EIF2AK1: variants seen among roughly 807,000 people sequenced by gnomAD.
EIF2AK1 encodes the protein eukaryotic translation initiation factor 2 alpha kinase 1.
In EIF2AK1, 54 loss-of-function variants were observed where a neutral mutation model predicts 77.9. That is an observed-to-expected ratio of 0.69 (90% CI 0.56 to 0.87). EIF2AK1 has a LOEUF of 0.87. EIF2AK1 is among the 40% of genes least tolerant of loss of function. EIF2AK1 has a pLI of 0.00. For missense variants in EIF2AK1, 810 were observed against 768.6 expected (o/e 1.05, Z -0.64); for synonymous variants, 314 against 290.5 (o/e 1.08, Z -0.82).
At chr7:6,045,502 T>C (rs909212199) in intron 6 of EIF2AK1, among the ~76,000 whole-genome samples, 1 of 151,940 alleles carries the variant, frequency 6.6e-6, no homozygotes, top group Non-Finnish European at 1.5e-5. Flanking sequence ...GGCACACTTA[T>C]CACCATTCTC....
In EIF2AK1 at chr7:6,058,060, T is replaced by C; in HGVS notation, c.118+906A>G. 3.1e-5 allele frequency: 14 copies of C among 444,956 alleles called. 1 individual carries two copies. The highest frequency in any genetic ancestry group is 2.2e-4 in the South Asian group (14 of 62,880). 27.6% of individuals were successfully genotyped at this position (444,956 alleles called of 1,614,324 possible). On this transcript the variant is annotated intron_variant, in intron 1 of 14. Coordinates refer to ENST00000199389, the MANE Select transcript of EIF2AK1 (RefSeq NM_014413.4). ...TTAGAGTCAATGTTTTAAGCATCTC[T>C]TACTCTATGCTAAGTAACTTAGCTA...
At position 6,026,970 on chromosome 7, in the gene EIF2AK1, AG is replaced by A. The variant is rs949702134; in HGVS notation, c.1531-10del. On this transcript the variant is annotated splice_polypyrimidine_tract_variant and intron_variant, in intron 13 of 14. Transcript: ENST00000199389. Reference sequence around the variant, plus strand: ...AAGCTGTACATATCTGACTGGAAAAAGAAAAAAAGGGGAACTCAGTAGTGAA... The same window carrying A: ...AAGCTGTACATATCTGACTGGAAAAAAAAAAAAGGGGAACTCAGTAGTGAA... The A allele has an allele frequency of 6.2e-7, 1 of 1,608,480 alleles. No homozygotes were observed. Among genetic ancestry groups the A allele is most frequent in the African/African-American group, 1.3e-5 (1 of 74,832 alleles).
At chr7:6,026,524 C>T (rs912725914) in intron 14 of EIF2AK1, 1 of 701,280 alleles carries the variant, frequency 1.4e-6, no homozygotes, top group Non-Finnish European at 2.7e-6. Context: ...GCCACAGCTG[C>T]TACCCCAAGG....
rs983036481 is a variant in EIF2AK1 at position 6,048,687 on chromosome 7, A to C, written c.449+120T>G. 3.5e-5 allele frequency: 29 copies of C among 831,560 alleles called. No individual in the cohort carries two copies. In the East Asian group the frequency reaches 6.8e-4, roughly 20 times the overall value. 51.5% of individuals were successfully genotyped at this position (831,560 alleles called of 1,614,324 possible). A position where few individuals can be genotyped will look rare whatever the true frequency, so the allele number is the denominator to read the frequency against. ...AGAGCAGTACTTAATTGCTGAGAAC[A>C]AAGTTTTTAATGTTCATAAATAATA... is the stretch of plus-strand genomic sequence containing the variant. On this transcript the variant is annotated intron_variant, in intron 4 of 14. Coordinates refer to ENST00000199389, the MANE Select transcript of EIF2AK1 (RefSeq NM_014413.4).
intron 4 of EIF2AK1, among the ~76,000 whole-genome samples, chr7:6,048,371 T>G (rs547889353): frequency 6.6e-6 from 1 of 152,196 alleles, no homozygotes; most frequent in African/African-American, 2.4e-5. Flanking sequence ...ACTTAGGATG[T>G]TTTCAAGATT....
chr7:6,036,780 T>C lies in EIF2AK1; in HGVS notation c.1332+644A>G, dbSNP rs933273172. On this transcript the variant is annotated intron_variant, in intron 11 of 14. Transcript: ENST00000199389. The surrounding 1 kb of genome is among the most constrained non-coding windows in gnomAD (Gnocchi z 4.6). ...ACTTTAAGATGAATAATTATAGAAA[T>C]AGAGTTTACCTCTAAGTCTGCAATA... Among the ~76,000 whole-genome samples the C allele has an allele frequency of 6.6e-5, 10 of 152,098 alleles. No homozygotes were observed. Among genetic ancestry groups the C allele is most frequent in the Non-Finnish European group, 1.3e-4 (9 of 68,008 alleles).
At chr7:6,039,072 C>T (rs1788193281) in intron 9 of EIF2AK1, among the ~76,000 whole-genome samples, 1 of 152,092 alleles carries the variant, frequency 6.6e-6, no homozygotes, top group African/African-American at 2.4e-5. Flanking sequence ...GTATGATATT[C>T]TACTACTCTA....
At chr7:6,055,170 C>A (rs1056691365) in intron 1 of EIF2AK1, among the ~76,000 whole-genome samples, 3 of 151,676 alleles carry the variant, frequency 2.0e-5, no homozygotes, top group Non-Finnish European at 4.4e-5. Context: ...TGGAGCAACA[C>A]CATCTCTACT....
intron 7 of EIF2AK1, 99 bp from the exon 8 acceptor site, chr7:6,043,092 A>G (rs1788343240): frequency 1.7e-6 from 2 of 1,196,070 alleles, no homozygotes; most frequent in East Asian, 2.4e-5. Flanking sequence ...AAATGAGACT[A>G]CAAGTCTAAA....
At chr7:6,031,943 G>C (rs1326625466) in intron 11 of EIF2AK1, among the ~76,000 whole-genome samples, 2 of 152,210 alleles carry the variant, frequency 1.3e-5, no homozygotes, top group Non-Finnish European at 2.9e-5. Context: ...GAAGGCTGAG[G>C]TGGGTGGATC....
chr7:6,026,404 C>G, intron 14 of EIF2AK1: 1 of 511,662 alleles, frequency 2.0e-6, no homozygotes. Context: ...GGGAAGGAGT[C>G]TCACCCACCA....
chr7:6,058,819 C>T (rs2128452931), intron 1 of EIF2AK1, 147 bp downstream of exon 1: 2 of 603,824 alleles, frequency 3.3e-6, no homozygotes, highest in African/African-American at 2.0e-5. Context: ...CGCCCCCCCT[C>T]GCACTGCGCG....
At chr7:6,057,935 T>G (rs992465386) in intron 1 of EIF2AK1, among the ~76,000 whole-genome samples, 3 of 152,140 alleles carry the variant, frequency 2.0e-5, no homozygotes, top group African/African-American at 7.2e-5. Context: ...AATGTATTCA[T>G]TCTTAATAGC....
chr7:6,050,060 T>C lies in EIF2AK1; in HGVS notation c.278-15A>G, dbSNP rs368299171. ...CTGGCAAAGTACTATAAAAAGAATA[T>C]GAAAAACTATTATTAGAAACATCTT... On this transcript the variant is annotated splice_polypyrimidine_tract_variant and intron_variant, in intron 2 of 14. Transcript: ENST00000199389. 1.9e-6 allele frequency: 3 copies of C among 1,586,674 alleles called. No individual in the cohort carries two copies. Among genetic ancestry groups the C allele is most frequent in the East Asian group, 4.5e-5 (2 of 44,476 alleles).
Position 6,035,888 on chromosome 7 carries a change from C to T in EIF2AK1, c.1332+1536G>A. On this transcript the variant is annotated intron_variant, in intron 11 of 14. Transcript: ENST00000199389. The surrounding 1 kb of genome is among the most constrained non-coding windows in gnomAD (Gnocchi z 5.5). The stretch of plus-strand genomic sequence containing the variant: ...CTGCATCAAGCAAAGCAGGCCGACT[C>T]CTCGGGGCGGGGGTCAGCTGCATCC... 4 of 1,546,810 alleles carry T rather than the reference C, an allele frequency of 2.6e-6. No individual in the cohort carries two copies. In the East Asian group the frequency reaches 7.3e-5, roughly 28 times the overall value.
rs747069267 is a variant in EIF2AK1 at position 6,048,881 on chromosome 7, A to T, written c.412-37T>A. 6 of 1,447,428 alleles carry T rather than the reference A, an allele frequency of 4.1e-6. No individual in the cohort carries two copies. The African/African-American group carries it at 8.6e-5, about 21-fold the overall frequency. The allele number at this position is 1,447,428 out of a possible 1,614,324, so 89.7% of individuals were successfully genotyped here. On this transcript the variant is annotated intron_variant, in intron 3 of 14. Coordinates refer to ENST00000199389, the MANE Select transcript of EIF2AK1 (RefSeq NM_014413.4). Reference sequence around the variant, plus strand: ...AAATTGTTTTTAAAAAGCATTTTGAAAACTTGCATGGAATAAAGAACCTAT... The same window carrying T: ...AAATTGTTTTTAAAAAGCATTTTGATAACTTGCATGGAATAAAGAACCTAT...
intron 4 of EIF2AK1, among the ~76,000 whole-genome samples, chr7:6,048,355 G>A (rs1788504124): frequency 6.6e-6 from 1 of 152,170 alleles, no homozygotes; most frequent in Non-Finnish European, 1.5e-5. Flanking sequence ...ATGACTGGCT[G>A]TTTTTACTTA....
chr7:6,035,767 A>G lies in EIF2AK1; in HGVS notation c.1332+1657T>C. 6.4e-7 allele frequency: 1 copy of G among 1,551,180 alleles called. No individual in the cohort carries two copies. The highest frequency in any genetic ancestry group is 8.7e-7 in the Non-Finnish European group (1 of 1,147,132). Reference sequence around the variant, plus strand: ...CTTCACATGGCCGCAAACATGCTGAATAAGGAGATGATGGAAACGCTCATT... The same window carrying G: ...CTTCACATGGCCGCAAACATGCTGAGTAAGGAGATGATGGAAACGCTCATT... On this transcript the variant is annotated intron_variant, in intron 11 of 14. Coordinates refer to ENST00000199389, the MANE Select transcript of EIF2AK1 (RefSeq NM_014413.4). The surrounding 1 kb of genome is among the most constrained non-coding windows in gnomAD (Gnocchi z 5.5).
intron 11 of EIF2AK1, chr7:6,031,416 T>C (rs992161098): frequency 3.2e-6 from 5 of 1,550,680 alleles, no homozygotes; most frequent in African/African-American, 2.7e-5. Flanking sequence ...GACCTGGTGG[T>C]TGACAGTGCC....
Sources: gnomAD v4.1 joint callset for allele counts (sites outside exome capture counted in the v4.1 genomes callset) on GRCh38, gnomAD v4.1.1 for gene constraint, Gnocchi (gnomAD v3.1) non-coding constraint, MANE v1.5 for transcripts, NCBI Gene and HGNC (gene_info 2026-07-23, HGNC 2026-07-21) for gene names.